Variants in COL4A1 observed in about 807,000 individuals in gnomAD.
COL4A1 encodes collagen type IV alpha 1 chain, also known as collagen alpha-1(IV) chain.
In COL4A1, 40 loss-of-function variants were observed where a neutral mutation model predicts 216.6. The ratio of observed to expected loss-of-function variants is 0.18; its 90% CI spans 0.14 to 0.24. The LOEUF (loss-of-function observed/expected upper bound fraction) is 0.24, where lower values mean the gene tolerates loss of function less well. Among genes scored for constraint, COL4A1 ranks in the 10% least tolerant of loss-of-function variants. The pLI is 1.00. For missense variants in COL4A1, 1,628 were observed against 2,196.8 expected, an observed-to-expected ratio of 0.74 and a Z score of 5.18; for synonymous variants, 839 against 810.7, an observed-to-expected ratio of 1.03 and a Z score of -0.59.
rs1877795604 is a variant in COL4A1 at position 110,174,628 on chromosome 13, T to G, written c.3320A>C (p.Tyr1107Ser). 6.2e-7 allele frequency: 1 copy of G among 1,614,052 alleles called. No homozygotes were observed. The highest frequency in any genetic ancestry group is 8.5e-7 in the Non-Finnish European group (1 of 1,180,038). ...GLKGSPGSVG[Y>S]PGSPGLPGEK... ...GAGAAGCCCCCCTCACCTACCTGGA[T>G]AGCCAACACTCCCGGGAGACCCTTT... is the stretch of plus-strand genomic sequence containing the variant. Residue 1107 changes from tyrosine to serine, a missense_variant, in exon 38 of 52, where the codon TAT (tyrosine) becomes TCT (serine). By Grantham distance (144) the Tyr-to-Ser change is moderately radical (BLOSUM62 -2). This residue lies in a region of COL4A1 where 345 missense variants were observed against 476.9 expected (regional missense o/e 0.72). Coordinates refer to ENST00000375820, the MANE Select transcript of COL4A1 (RefSeq NM_001845.6).
chr13:110,212,976 A>G (rs1879887723), intron 4 of COL4A1, among the ~76,000 whole-genome samples: 1 of 152,242 alleles, frequency 6.6e-6, no homozygotes, highest in African/African-American at 2.4e-5. Flanking sequence ...AGCAACTTGA[A>G]TGGAGCTAGA....
rs141101079 is a variant in COL4A1, at chr13:110,226,973, T to C, written c.145-12958A>G. Among the ~76,000 whole-genome samples, 639 of 152,352 alleles carry C rather than the reference T, an allele frequency of 4.2e-3. 4 individuals carry two copies. The highest frequency in any genetic ancestry group is 7.2e-3 in the Non-Finnish European group (493 of 68,022). On this transcript the variant is annotated intron_variant, in intron 2 of 51. Coordinates refer to ENST00000375820, the MANE Select transcript of COL4A1 (RefSeq NM_001845.6). ...TCTTCCCTGAGCTGCTAATCTCTCT[T>C]CACCTCAATGCTCTTCATAAAGTTG...
intron 37 of COL4A1, 126 bp from the exon 38 acceptor site, chr13:110,174,875 T>C: frequency 9.9e-7 from 1 of 1,014,564 alleles, no homozygotes; most frequent in South Asian, 1.3e-5. Context: ...CATTTCCAGA[T>C]TTCTCATCAA....
At chr13:110,235,962 A>T (rs1036012149) in intron 2 of COL4A1, among the ~76,000 whole-genome samples, 1 of 152,200 alleles carries the variant, frequency 6.6e-6, no homozygotes, top group East Asian at 1.9e-4. Context: ...ATTCTCCAAA[A>T]ATACAAATAA....
At chr13:110,190,729 C>T (rs1481379884) in intron 24 of COL4A1, 2 of 152,204 alleles carry the variant, frequency 1.3e-5, no homozygotes, top group Non-Finnish European at 2.9e-5. Flanking sequence ...AGGAAAATTA[C>T]TAACTTCTCA....
At chr13:110,153,738 C>A (rs1026553980) in intron 50 of COL4A1, among the ~76,000 whole-genome samples, 2 of 152,178 alleles carry the variant, frequency 1.3e-5, no homozygotes, top group Admixed American at 6.5e-5. Context: ...AGCTGCAGTA[C>A]AATCAACCCA....
chr13:110,193,017 A>C, intron 22 of COL4A1, 104 bp from the exon 23 acceptor site: 1 of 1,060,160 alleles, frequency 9.4e-7, no homozygotes, highest in Non-Finnish European at 1.5e-6. Context: ...AACATATTAC[A>C]TCCAAACTTA....
intron 39 of COL4A1, 90 bp downstream of exon 39, chr13:110,174,356 C>T (rs781339204): frequency 5.6e-5 from 80 of 1,424,870 alleles, no homozygotes; most frequent in Middle Eastern, 2.4e-4. Context: ...CTCCCTGCTC[C>T]CCGTCTGTGA....
At chr13:110,281,218 T>C (rs183332093) in intron 1 of COL4A1, among the ~76,000 whole-genome samples, 2 of 152,300 alleles carry the variant, frequency 1.3e-5, no homozygotes, top group Admixed American at 1.3e-4. Context: ...CACTGTTCTG[T>C]GATGACACGA....
At position 110,183,207 on chromosome 13, in the gene COL4A1, G is replaced by A. The variant is rs753481108; in HGVS notation, c.1967C>T (p.Ser656Phe). The A allele has an allele frequency of 1.2e-6, 2 of 1,613,934 alleles. No individual in the cohort carries two copies. The highest frequency in any genetic ancestry group is 4.5e-5 in the East Asian group (2 of 44,884). The change falls in exon 27 of 52, where the codon TCC (serine) becomes TTC (phenylalanine). Residue 656 changes from serine (S) to phenylalanine (F), a missense_variant. Ser to Phe is a radical substitution (Grantham distance 155). Transcript: ENST00000375820. ...GPPGAEGLPG[S>F]PGFPGPQGDR... ...ACCTTGGGGACCTGGGAAGCCTGGGGACCCCGGCAGTCCTTCTGCTCCAGG... is the reference window on the plus strand; with the variant it reads ...ACCTTGGGGACCTGGGAAGCCTGGGAACCCCGGCAGTCCTTCTGCTCCAGG...
chr13:110,166,200 T>C (rs1374974259), intron 45 of COL4A1, 32 bp downstream of exon 45: 1 of 1,325,034 alleles, frequency 7.5e-7, no homozygotes, highest in South Asian at 1.2e-5. Flanking sequence ...AAAGCACCAG[T>C]AAGGTGTCCA....
At chr13:110,230,860 C>A (rs1485142038) in intron 2 of COL4A1, among the ~76,000 whole-genome samples, 1 of 152,228 alleles carries the variant, frequency 6.6e-6, no homozygotes, top group Admixed American at 6.5e-5. Flanking sequence ...GGAACCTCTG[C>A]TCCCAGGGCT....
At chr13:110,170,895 C>T (rs1877611923) in intron 41 of COL4A1, among the ~76,000 whole-genome samples, 163 bp from the exon 42 acceptor site, 1 of 152,232 alleles carries the variant, frequency 6.6e-6, no homozygotes, top group South Asian at 2.1e-4. Flanking sequence ...GCTCCGATCC[C>T]TCCTTCTCTT....
At chr13:110,213,677 G>T in intron 4 of COL4A1, 105 bp downstream of exon 4, 1 of 1,149,648 alleles carries the variant, frequency 8.7e-7, no homozygotes, top group Non-Finnish European at 1.3e-6. Context: ...TGGGAGAGGA[G>T]ATGGAGGACG....
intron 49 of COL4A1, among the ~76,000 whole-genome samples, chr13:110,156,416 G>C (rs1016961685): frequency 2.6e-5 from 4 of 152,222 alleles, no homozygotes; most frequent in African/African-American, 9.6e-5. Context: ...ACTTAAGGCT[G>C]AATGTCCACA....
At chr13:110,258,508 C>G (rs572617456) in intron 1 of COL4A1, among the ~76,000 whole-genome samples, 64 of 152,104 alleles carry the variant, frequency 4.2e-4, no homozygotes, top group Non-Finnish European at 7.2e-4. Context: ...CCACTGCACA[C>G]CAGCCTGGGT....
intron 2 of COL4A1, among the ~76,000 whole-genome samples, chr13:110,215,804 C>A (rs991708242): frequency 1.4e-4 from 22 of 152,222 alleles, no homozygotes; most frequent in African/African-American, 5.3e-4. Context: ...AAGCTACACA[C>A]CACATAACAT....
Position 110,203,421 on chromosome 13 carries a change from G to A in COL4A1, c.999+145C>T, listed in dbSNP as rs16975589. On this transcript the variant is annotated intron_variant, in intron 18 of 51. Coordinates refer to ENST00000375820, the MANE Select transcript of COL4A1 (RefSeq NM_001845.6). ...ATTCTAGAGACAGCTGTGGGTGTGT[G>A]CCCTGCATCTCCTCTCCTTCCTCTC... 2,431 of 824,336 alleles carry A rather than the reference G, an allele frequency of 2.9e-3. 58 individuals carry two copies. The African/African-American group carries it at 0.036, about 12-fold the overall frequency. 51.1% of individuals were successfully genotyped at this position (824,336 alleles called of 1,614,324 possible). A position where few individuals can be genotyped will look rare whatever the true frequency, so the allele number is the denominator to read the frequency against.
intron 1 of COL4A1, among the ~76,000 whole-genome samples, chr13:110,280,340 C>G (rs1239262022): frequency 6.6e-6 from 1 of 152,164 alleles, no homozygotes; most frequent in Non-Finnish European, 1.5e-5. Flanking sequence ...AATAGTCAGC[C>G]ACAAGTTTCA....
Sources: allele counts gnomAD v4.1 joint callset (sites outside exome capture counted in the v4.1 genomes callset), GRCh38; gene constraint gnomAD v4.1.1; regional missense constraint gnomAD v4.1.1; transcripts MANE v1.5; gene names NCBI Gene and HGNC (gene_info 2026-07-23, HGNC 2026-07-21).